Variants in GPHN observed in about 807,000 individuals in gnomAD.
The protein encoded by GPHN is gephyrin.
GPHN carries 17 observed loss-of-function variants against 95.5 expected under a neutral mutation model. The observed-to-expected ratio is 0.18, with a 90% CI of 0.12 to 0.27. The LOEUF (loss-of-function observed/expected upper bound fraction) is 0.27, where lower values mean the gene tolerates loss of function less well. GPHN is among the 10% of genes least tolerant of loss of function. GPHN has a pLI of 1.00. For missense variants in GPHN, 660 were observed against 978.1 expected, an observed-to-expected ratio of 0.67 and a Z score of 4.34; for synonymous variants, 320 against 322.5, an observed-to-expected ratio of 0.99 and a Z score of 0.08.
At chr14:67,019,720 T>C (rs900094045) in intron 9 of GPHN, among the ~76,000 whole-genome samples, 2 of 152,166 alleles carry the variant, frequency 1.3e-5, no homozygotes, top group Non-Finnish European at 1.5e-5. Context: ...TTACAGTACA[T>C]CTGGCTTCCA....
intron 1 of GPHN, among the ~76,000 whole-genome samples, chr14:66,544,479 T>G (rs889512459): frequency 3.3e-5 from 5 of 152,242 alleles, no homozygotes; most frequent in Non-Finnish European, 7.3e-5. Flanking sequence ...TAGGTTTGTT[T>G]ACCGATATAT....
At chr14:66,970,085 G>GTTTTTTTTTTTT in intron 9 of GPHN, among the ~76,000 whole-genome samples, 1 of 99,040 alleles carries the variant, frequency 1.0e-5, no homozygotes, top group Non-Finnish European at 2.2e-5. Flanking sequence ...AGCAAGTTGT[G>GTTTTTTTTTTTT]TTTTTTTTTT....
intron 18 of GPHN, among the ~76,000 whole-genome samples, chr14:67,150,794 A>T (rs2081236465): frequency 2.0e-5 from 3 of 152,096 alleles, no homozygotes; most frequent in Non-Finnish European, 4.4e-5. Context: ...GGGCTTAAGC[A>T]ATAATCCTCC....
intron 2 of GPHN, among the ~76,000 whole-genome samples, chr14:66,691,432 C>T (rs1295549268): frequency 1.3e-5 from 2 of 152,016 alleles, no homozygotes; most frequent in Non-Finnish European, 2.9e-5. Flanking sequence ...ATTCACCTGC[C>T]TTGGCCTCCC....
At chr14:67,119,127 G>C (rs933093930) in intron 16 of GPHN, among the ~76,000 whole-genome samples, 1 of 152,156 alleles carries the variant, frequency 6.6e-6, no homozygotes, top group Non-Finnish European at 1.5e-5. Context: ...GAATCCATGT[G>C]GAACTACTGT....
At chr14:66,794,727 G>A (rs2060096613) in intron 3 of GPHN, among the ~76,000 whole-genome samples, 1 of 152,062 alleles carries the variant, frequency 6.6e-6, no homozygotes, top group South Asian at 2.1e-4. Flanking sequence ...TGTCTACTTT[G>A]GTAATTATTA....
intron 2 of GPHN, among the ~76,000 whole-genome samples, chr14:66,705,193 A>T (rs1191863416): frequency 2.6e-5 from 4 of 152,244 alleles, no homozygotes; most frequent in African/African-American, 9.6e-5. Flanking sequence ...AACCAAAAAA[A>T]GCCCAGGACC....
At chr14:67,492,685 T>A in the GPHN span, among the ~76,000 whole-genome samples, 1 of 152,222 alleles carries the variant, frequency 6.6e-6, no homozygotes, top group Non-Finnish European at 1.5e-5. Flanking sequence ...ACTCCGCTTT[T>A]CACAGCCTGT....
At chr14:67,023,607 T>G (rs1357349707) in intron 9 of GPHN, 26 bp from the exon 10 acceptor site, 1 of 1,603,302 alleles carries the variant, frequency 6.2e-7, no homozygotes. Context: ...AAACCCTAAA[T>G]TACTGAGTTT....
At chr14:67,055,205 T>C (rs1375363669) in intron 10 of GPHN, among the ~76,000 whole-genome samples, 1 of 152,086 alleles carries the variant, frequency 6.6e-6, no homozygotes, top group African/African-American at 2.4e-5. Context: ...GACAAAGGTC[T>C]AATATCCAGA....
At chr14:66,788,949 A>C (rs1397152083) in intron 3 of GPHN, among the ~76,000 whole-genome samples, 1 of 152,216 alleles carries the variant, frequency 6.6e-6, no homozygotes, top group Non-Finnish European at 1.5e-5. Flanking sequence ...AAATAAACCC[A>C]CTTCTTAATA....
chr14:66,848,203 T>C (rs2062419238), intron 4 of GPHN, among the ~76,000 whole-genome samples: 1 of 152,116 alleles, frequency 6.6e-6, no homozygotes, highest in Admixed American at 6.6e-5. Context: ...TAAAAACTGC[T>C]CAAATTTGAT....
At chr14:67,703,050 G>T in the GPHN span, among the ~76,000 whole-genome samples, 1 of 152,260 alleles carries the variant, frequency 6.6e-6, no homozygotes, top group South Asian at 2.1e-4. Flanking sequence ...GAGCTCCTGG[G>T]CGCAAATGAT....
At chr14:67,433,670 C>G in the GPHN span, among the ~76,000 whole-genome samples, 1 of 151,972 alleles carries the variant, frequency 6.6e-6, no homozygotes, top group Non-Finnish European at 1.5e-5. Flanking sequence ...GGAGGGTAAA[C>G]TTAAAAAAGC....
chr14:66,610,686 T>C (rs1189560744), intron 1 of GPHN, among the ~76,000 whole-genome samples: 8 of 152,124 alleles, frequency 5.3e-5, no homozygotes, highest in Non-Finnish European at 1.5e-5. Flanking sequence ...TTATTTAGGG[T>C]CATTGCGATA....
the GPHN span, among the ~76,000 whole-genome samples, chr14:67,671,783 C>T: frequency 5.0e-4 from 76 of 152,204 alleles, no homozygotes; most frequent in African/African-American, 1.7e-3. Flanking sequence ...CATGGGTCAC[C>T]CCATGGCAGA....
At chr14:66,909,579 A>G (rs2065565951) in intron 5 of GPHN, among the ~76,000 whole-genome samples, 1 of 152,008 alleles carries the variant, frequency 6.6e-6, no homozygotes, top group Non-Finnish European at 1.5e-5. Context: ...GACCTTCTCA[A>G]TTGATGCAGA....
the GPHN span, among the ~76,000 whole-genome samples, chr14:67,412,410 G>T: frequency 6.6e-6 from 1 of 152,164 alleles, no homozygotes. Flanking sequence ...GGCACTTAGC[G>T]CATTGCCCTC....
At chr14:66,625,143 C>T (rs10135564) in intron 1 of GPHN, among the ~76,000 whole-genome samples, 46,940 of 151,640 alleles carry the variant, frequency 0.31, 11,049 homozygotes, top group African/African-American at 0.63. Flanking sequence ...TGCCGTGGTA[C>T]GAGATGGTCA....
Sources: allele counts gnomAD v4.1 joint callset (sites outside exome capture counted in the v4.1 genomes callset), GRCh38; gene constraint gnomAD v4.1.1; transcripts MANE v1.5; gene names NCBI Gene and HGNC (gene_info 2026-07-23, HGNC 2026-07-21).